FIGN: variants seen among roughly 807,000 people sequenced by gnomAD.
FIGN encodes fidgetin.
Under a neutral mutation model 51.3 loss-of-function variants are expected in FIGN, and 11 were observed. That is an observed-to-expected ratio of 0.21 (90% CI 0.13 to 0.35). The LOEUF is 0.35. FIGN is among the 10% of genes least tolerant of loss of function. The pLI is 1.00. For synonymous variants in FIGN, 407 were observed against 363.2 expected (o/e 1.12, Z -1.37); for missense variants, 857 against 943.6 (o/e 0.91, Z 1.20).
chr2:163,665,936 C>G (rs542409662), intron 2 of FIGN, among the ~76,000 whole-genome samples: 1 of 152,162 alleles, frequency 6.6e-6, no homozygotes, highest in Admixed American at 6.5e-5. Flanking sequence ...TTAGGAGAAC[C>G]CAGAATGTAT....
At chr2:163,660,754 C>G (rs74169418) in intron 2 of FIGN, among the ~76,000 whole-genome samples, 11 of 85,980 alleles carry the variant, frequency 1.3e-4, no homozygotes, top group African/African-American at 5.2e-4. Context: ...TATGTATACA[C>G]ATATACATAT....
At chr2:163,623,019 G>A (rs1359850489) in intron 2 of FIGN, among the ~76,000 whole-genome samples, 1 of 152,054 alleles carries the variant, frequency 6.6e-6, no homozygotes, top group Non-Finnish European at 1.5e-5. Flanking sequence ...TAAGCAACAC[G>A]AAAACCCAAC....
rs1285541341 is a variant in FIGN at position 163,609,401 on chromosome 2, C to T, written c.*151G>A. 1 of 678,994 alleles carries T rather than the reference C, an allele frequency of 1.5e-6. No homozygotes were observed. The highest frequency in any genetic ancestry group is 2.7e-5 in the East Asian group (1 of 36,492). 42.1% of individuals were successfully genotyped at this position (678,994 alleles called of 1,614,324 possible). ...CATTTGATGCACTTTTCCTCCAAATCTACCCTGACTCTAAAGATGCAACTT... is the reference window on the plus strand; with the variant it reads ...CATTTGATGCACTTTTCCTCCAAATTTACCCTGACTCTAAAGATGCAACTT... On this transcript the variant is annotated 3_prime_UTR_variant, in exon 3 of 3. Transcript: ENST00000333129.
At chr2:163,647,948 AATAG>A (rs2105319988) in intron 2 of FIGN, among the ~76,000 whole-genome samples, 1 of 152,264 alleles carries the variant, frequency 6.6e-6, no homozygotes, top group South Asian at 2.1e-4. Flanking sequence ...GACAAGGTGT[AATAG>A]ATAGATTAAT....
chr2:163,685,312 A>T (rs1573949094), intron 2 of FIGN, among the ~76,000 whole-genome samples: 1 of 152,350 alleles, frequency 6.6e-6, no homozygotes, highest in African/African-American at 2.4e-5. Flanking sequence ...AGCTCTTCAG[A>T]TAAAGAAAAA....
At chr2:163,640,550 A>G (rs1351748034) in intron 2 of FIGN, among the ~76,000 whole-genome samples, 2 of 152,188 alleles carry the variant, frequency 1.3e-5, no homozygotes, top group Non-Finnish European at 2.9e-5. Flanking sequence ...TACTATTTTA[A>G]GAGTCTGTAC....
intron 2 of FIGN, among the ~76,000 whole-genome samples, chr2:163,712,949 T>C (rs1480401741): frequency 6.6e-6 from 1 of 152,186 alleles, no homozygotes; most frequent in Non-Finnish European, 1.5e-5. Context: ...TAGTGCCCAT[T>C]TTCACCTCAT....
rs185363263 is a variant in FIGN at position 163,686,252 on chromosome 2, T to A, written c.25+48651A>T. 1.1e-3 allele frequency among the ~76,000 whole-genome samples: 160 copies of A among 152,288 alleles called. 2 individuals are homozygous for A. Among genetic ancestry groups the A allele is most frequent in the Middle Eastern group, 3.4e-3 (1 of 294 alleles). On this transcript the variant is annotated intron_variant, in intron 2 of 2. Coordinates refer to ENST00000333129, the MANE Select transcript of FIGN (RefSeq NM_018086.4). ...TGACATAAATAAAAGGAGGATGAAT[T>A]TTAAATTACCTCTACTCATGACAGT...
intron 2 of FIGN, among the ~76,000 whole-genome samples, chr2:163,707,540 A>T (rs1021513828): frequency 1.3e-5 from 2 of 152,140 alleles, no homozygotes; most frequent in African/African-American, 4.8e-5. Context: ...AAAGTAAAAT[A>T]ATCTTTGTGA....
intron 2 of FIGN, among the ~76,000 whole-genome samples, chr2:163,678,072 G>T (rs950427355): frequency 6.6e-6 from 1 of 152,144 alleles, no homozygotes; most frequent in Non-Finnish European, 1.5e-5. Flanking sequence ...TGGTGCATTA[G>T]CACAACCAAT....
intron 2 of FIGN, among the ~76,000 whole-genome samples, chr2:163,705,235 G>A (rs1204219480): frequency 1.3e-5 from 2 of 152,152 alleles, no homozygotes; most frequent in Non-Finnish European, 2.9e-5. Flanking sequence ...ACAGTGTGGG[G>A]ACCACTCTCC....
intron 2 of FIGN, among the ~76,000 whole-genome samples, chr2:163,721,762 T>C (rs1344060442): frequency 2.6e-5 from 4 of 152,152 alleles, no homozygotes; most frequent in South Asian, 2.1e-4. Context: ...AGAGCCCAAA[T>C]TGGAAGAAAA....
At chr2:163,661,331 C>T (rs1683679569) in intron 2 of FIGN, among the ~76,000 whole-genome samples, 1 of 151,784 alleles carries the variant, frequency 6.6e-6, no homozygotes, top group Admixed American at 6.6e-5. Context: ...CCTCTGCCTA[C>T]TGGGTTCAAG....
At chr2:163,645,737 T>A (rs942123190) in intron 2 of FIGN, among the ~76,000 whole-genome samples, 2 of 152,298 alleles carry the variant, frequency 1.3e-5, no homozygotes, top group Non-Finnish European at 2.9e-5. Context: ...TCGCTCACAT[T>A]AGAGCATTGT....
At chr2:163,693,722 C>T (rs1460317277) in intron 2 of FIGN, among the ~76,000 whole-genome samples, 1 of 152,082 alleles carries the variant, frequency 6.6e-6, no homozygotes, top group Non-Finnish European at 1.5e-5. Context: ...AAAAACAAAA[C>T]ATATTACTTC....
chr2:163,631,031 C>G (rs1459303113), intron 2 of FIGN, among the ~76,000 whole-genome samples: 1 of 152,134 alleles, frequency 6.6e-6, no homozygotes, highest in African/African-American at 2.4e-5. Flanking sequence ...TTACTTTTTT[C>G]CTTTGAGTTT....
At chr2:163,612,785 A>AAG (rs147434594) in intron 2 of FIGN, among the ~76,000 whole-genome samples, 40,989 of 144,024 alleles carry the variant, frequency 0.28, 7,257 homozygotes, top group African/African-American at 0.47. Flanking sequence ...ATGAGAGAGA[A>AAG]AGAGAGAGAG....
chr2:163,733,257 A>C lies in FIGN; in HGVS notation c.25+1646T>G, dbSNP rs1292186649. On this transcript the variant is annotated intron_variant, in intron 2 of 2. Transcript: ENST00000333129. ...TAAGAGGGGGGCAATTTACACACTC[A>C]AATCTGCTGTTAAATGTCATGAATT... Among the ~76,000 whole-genome samples, 4 of 152,320 alleles carry C rather than the reference A, an allele frequency of 2.6e-5. No homozygotes were observed. In the East Asian group the frequency reaches 7.7e-4, roughly 29 times the overall value.
intron 2 of FIGN, among the ~76,000 whole-genome samples, chr2:163,617,693 A>G (rs548624975): frequency 4.3e-4 from 65 of 152,294 alleles, no homozygotes; most frequent in African/African-American, 1.5e-3. Flanking sequence ...CAGCCTGTAG[A>G]ATAAGACCAC....
Sources: allele counts gnomAD v4.1 joint callset (sites outside exome capture counted in the v4.1 genomes callset), GRCh38; gene constraint gnomAD v4.1.1; transcripts MANE v1.5; gene names NCBI Gene and HGNC (gene_info 2026-07-23, HGNC 2026-07-21).